The following PHLPP1 variants were observed in gnomAD, a reference collection of about 807,000 sequenced individuals.
PHLPP1 encodes the protein PH domain and leucine rich repeat protein phosphatase 1.
PHLPP1 carries 42 observed loss-of-function variants against 117.2 expected under a neutral mutation model. The ratio of observed to expected loss-of-function variants is 0.36; its 90% CI spans 0.28 to 0.46. PHLPP1 has a LOEUF of 0.46. Ranked by LOEUF, PHLPP1 falls within the 20% of genes least tolerant of loss-of-function variation. The pLI is 1.00. For missense variants in PHLPP1, 2,084 were observed against 2,241.9 expected (o/e 0.93, Z 1.42); for synonymous variants, 1,042 against 970.7 (o/e 1.07, Z -1.37).
chr18:62,878,021 C>T (rs1269158419), intron 4 of PHLPP1, among the ~76,000 whole-genome samples: 1 of 152,192 alleles, frequency 6.6e-6, no homozygotes, highest in Non-Finnish European at 1.5e-5. Context: ...CTTCAAAAGC[C>T]TTGGCTTGAT....
intron 1 of PHLPP1, among the ~76,000 whole-genome samples, chr18:62,775,159 G>A (rs186780861): frequency 2.6e-5 from 4 of 152,114 alleles, no homozygotes; most frequent in Admixed American, 1.3e-4. Context: ...GTGCAGTGGC[G>A]CCATCTCAGC....
At chr18:62,785,316 C>T (rs1263856327) in intron 1 of PHLPP1, among the ~76,000 whole-genome samples, 1 of 152,124 alleles carries the variant, frequency 6.6e-6, no homozygotes, top group African/African-American at 2.4e-5. Flanking sequence ...TGTTAAGATT[C>T]CTGCTGTGTT....
intron 10 of PHLPP1, 42 bp downstream of exon 10, chr18:62,920,156 T>C: frequency 6.5e-7 from 1 of 1,547,792 alleles, no homozygotes; most frequent in South Asian, 1.1e-5. Context: ...TCTATAAATA[T>C]TCCCTCATTT....
At chr18:62,952,313 G>T (rs1417972239) in intron 12 of PHLPP1, among the ~76,000 whole-genome samples, 4 of 152,142 alleles carry the variant, frequency 2.6e-5, no homozygotes, top group Non-Finnish European at 5.9e-5. Context: ...GTTTATACAG[G>T]ATACATTTTC....
chr18:62,848,455 A>ATTTTT (rs56223512), intron 3 of PHLPP1, among the ~76,000 whole-genome samples: 24 of 88,518 alleles, frequency 2.7e-4, no homozygotes, highest in Middle Eastern at 8.9e-3. Flanking sequence ...TTTTTTGTTG[A>ATTTTT]TTTTTTTTTT....
intron 6 of PHLPP1, among the ~76,000 whole-genome samples, chr18:62,899,933 T>G (rs998547839): frequency 1.3e-5 from 2 of 152,174 alleles, no homozygotes; most frequent in Non-Finnish European, 2.9e-5. Flanking sequence ...CCTCCCCAAG[T>G]GCTGAGAATT....
At chr18:62,802,452 G>A (rs1913815900) in intron 1 of PHLPP1, among the ~76,000 whole-genome samples, 2 of 152,152 alleles carry the variant, frequency 1.3e-5, no homozygotes, top group Non-Finnish European at 2.9e-5. Context: ...TTTGATGATT[G>A]AAACTGTTCT....
intron 1 of PHLPP1, among the ~76,000 whole-genome samples, chr18:62,808,591 C>T (rs1351136064): frequency 3.5e-5 from 5 of 141,878 alleles, no homozygotes; most frequent in South Asian, 4.4e-4. Context: ...TCACTCTTGT[C>T]GCCCAGGCTG....
At chr18:62,752,931 A>G (rs1911903619) in intron 1 of PHLPP1, among the ~76,000 whole-genome samples, 1 of 152,228 alleles carries the variant, frequency 6.6e-6, no homozygotes, top group Non-Finnish European at 1.5e-5. Context: ...GATGAAAACT[A>G]AATAAAAGTG....
intron 12 of PHLPP1, among the ~76,000 whole-genome samples, chr18:62,950,831 A>G (rs898620899): frequency 2.0e-5 from 3 of 152,284 alleles, no homozygotes; most frequent in Non-Finnish European, 4.4e-5. Flanking sequence ...CGATACAAGG[A>G]CTAAGGAAAG....
At chr18:62,755,081 G>C (rs1186429861) in intron 1 of PHLPP1, among the ~76,000 whole-genome samples, 1 of 151,960 alleles carries the variant, frequency 6.6e-6, no homozygotes, top group African/African-American at 2.4e-5. Context: ...ACAGCATTTT[G>C]AAGTAACTGA....
At chr18:62,952,545 A>G (rs900324510) in intron 12 of PHLPP1, among the ~76,000 whole-genome samples, 1 of 152,204 alleles carries the variant, frequency 6.6e-6, no homozygotes, top group Non-Finnish European at 1.5e-5. Flanking sequence ...AATGCTTTAT[A>G]CAAGATTAAA....
chr18:62,975,721 A>T, intron 16 of PHLPP1, 96 bp downstream of exon 16: 1 of 761,484 alleles, frequency 1.3e-6, no homozygotes, highest in South Asian at 1.6e-5. Context: ...GCCTTCAAAG[A>T]ACACTTTTGA....
intron 1 of PHLPP1, among the ~76,000 whole-genome samples, chr18:62,813,611 A>C (rs561944428): frequency 6.6e-6 from 1 of 152,338 alleles, no homozygotes; most frequent in South Asian, 2.1e-4. Flanking sequence ...TAGTAACATA[A>C]TACTGTAACT....
At position 62,978,666 on chromosome 18, in the gene PHLPP1, G is replaced by A; in HGVS notation, c.4389G>A (p.Gly1463=). ...NMVIKDRPSD[G]LGVPSSSSGM... Reference sequence around the variant, plus strand: ...TGATCAAGGATCGGCCCTCAGATGGGCTGGGCGTGCCGTCCTCCAGCAGCG... The same window carrying A: ...TGATCAAGGATCGGCCCTCAGATGGACTGGGCGTGCCGTCCTCCAGCAGCG... The change falls in exon 17 of 17, where the codon GGG becomes GGA. Residue 1463 remains glycine, a synonymous_variant. Transcript: ENST00000262719. The surrounding 1 kb of genome is among the most constrained non-coding windows in gnomAD (Gnocchi z 7.0). 1 of 1,613,880 alleles carries A rather than the reference G, an allele frequency of 6.2e-7. No homozygotes were observed. Among genetic ancestry groups the A allele is most frequent in the Non-Finnish European group, 8.5e-7 (1 of 1,179,872 alleles).
At chr18:62,933,672 C>G (rs191520839) in intron 10 of PHLPP1, among the ~76,000 whole-genome samples, 3 of 151,864 alleles carry the variant, frequency 2.0e-5, no homozygotes, top group East Asian at 3.9e-4. Flanking sequence ...AAGAAAAACT[C>G]TTCTGGACAT....
rs918454960 is a variant in PHLPP1 at position 62,958,756 on chromosome 18, T to A, written c.3452T>A (p.Leu1151Gln). Residue 1151 changes from leucine (L) to glutamine (Q), a missense_variant, in exon 13 of 17, where the codon CTG becomes CAG. Leu to Gln is a moderately radical substitution (Grantham distance 113). This residue lies in a region of PHLPP1 where 1,365 missense variants were observed against 1,605.9 expected (regional missense o/e 0.85). Coordinates refer to ENST00000262719, the MANE Select transcript of PHLPP1 (RefSeq NM_194449.4). ...LVLDHKTLEL[L>Q]NNIRCFKIDQ... ...CTTGATCACAAAACCCTGGAACTAC[T>A]GAAGTAAGTATTCTGTAAAGCACTG... 2 of 1,613,844 alleles carry A rather than the reference T, an allele frequency of 1.2e-6. No homozygotes were observed. The highest frequency in any genetic ancestry group is 2.7e-5 in the African/African-American group (2 of 74,946).
intron 1 of PHLPP1, among the ~76,000 whole-genome samples, chr18:62,771,625 C>T (rs1912781525): frequency 6.6e-6 from 1 of 152,180 alleles, no homozygotes; most frequent in South Asian, 2.1e-4. Context: ...AGAGAAGAAA[C>T]ATCAGAAGCA....
At chr18:62,945,396 C>A in intron 12 of PHLPP1, 125 bp downstream of exon 12, 1 of 710,826 alleles carries the variant, frequency 1.4e-6, no homozygotes, top group Non-Finnish European at 2.2e-6. Context: ...CCCATTAGCC[C>A]TTACTTCCTC....
Sources: allele counts gnomAD v4.1 joint callset (sites outside exome capture counted in the v4.1 genomes callset), GRCh38; gene constraint gnomAD v4.1.1; regional missense constraint gnomAD v4.1.1; non-coding constraint Gnocchi (gnomAD v3.1); transcripts MANE v1.5; gene names NCBI Gene and HGNC (gene_info 2026-07-23, HGNC 2026-07-21).